SPINT2: variants seen among roughly 807,000 people sequenced by gnomAD.
SPINT2 encodes serine peptidase inhibitor, Kunitz type 2.
Under a neutral mutation model 30.1 loss-of-function variants are expected in SPINT2, and 18 were observed. That is an observed-to-expected ratio of 0.60 (90% CI 0.41 to 0.89). The LOEUF (loss-of-function observed/expected upper bound fraction) is 0.89, where lower values mean the gene tolerates loss of function less well. SPINT2 is among the 40% of genes least tolerant of loss of function. The probability of loss-of-function intolerance (pLI) is 0.00; values close to 1 mark genes in which losing one functional copy is unlikely to be tolerated. For missense variants in SPINT2, 276 were observed against 334.3 expected, an observed-to-expected ratio of 0.83 and a Z score of 1.36; for synonymous variants, 139 against 137.9, an observed-to-expected ratio of 1.01 and a Z score of -0.05.
chr19:38,286,764 C>T (rs1482192674), intron 2 of SPINT2, among the ~76,000 whole-genome samples: 1 of 152,148 alleles, frequency 6.6e-6, no homozygotes, highest in African/African-American at 2.4e-5. Flanking sequence ...GCCTGGGCGA[C>T]AGAGCGAGAC....
At chr19:38,285,454 C>T (rs911370366) in intron 2 of SPINT2, among the ~76,000 whole-genome samples, 1 of 152,180 alleles carries the variant, frequency 6.6e-6, no homozygotes, top group Non-Finnish European at 1.5e-5. Flanking sequence ...AAGTGATTCT[C>T]GTGCCTCAGC....
intron 1 of SPINT2, among the ~76,000 whole-genome samples, chr19:38,268,360 C>T (rs1428291827): frequency 2.0e-5 from 3 of 152,096 alleles, no homozygotes; most frequent in Non-Finnish European, 4.4e-5. Context: ...GTGGAAAGCA[C>T]GCAGAGATTA....
chr19:38,270,538 G>GGGTT (rs1264408759), intron 1 of SPINT2, among the ~76,000 whole-genome samples: 8 of 152,216 alleles, frequency 5.3e-5, no homozygotes, highest in Admixed American at 5.2e-4. Flanking sequence ...ATGAGTGTCA[G>GGGTT]GGTTGGTGTG....
At position 38,290,937 on chromosome 19, in the gene SPINT2, ACCACGGG is replaced by A. The variant is rs549921422; in HGVS notation, c.592+366_592+372del. The A allele has an allele frequency of 9.7e-4, 378 of 390,446 alleles. No homozygotes were observed. The highest frequency in any genetic ancestry group is 7.0e-3 in the African/African-American group (341 of 48,490). The allele number at this position is 390,446 out of a possible 1,614,324, so 24.2% of individuals were successfully genotyped here. ...TTGGTCACGGGTGACAGGACGGAGGACCACGGGCCAGGGTGTTTCCCAACACAGTCTG... is the reference window on the plus strand; with the variant it reads ...TTGGTCACGGGTGACAGGACGGAGGACCAGGGTGTTTCCCAACACAGTCTG... On this transcript the variant is annotated intron_variant, in intron 6 of 6. Coordinates refer to ENST00000301244, the MANE Select transcript of SPINT2 (RefSeq NM_021102.4). The surrounding 1 kb of genome is among the most constrained non-coding windows in gnomAD (Gnocchi z 4.3).
At chr19:38,284,583 AAAC>A (rs962895638) in intron 2 of SPINT2, among the ~76,000 whole-genome samples, 3 of 152,062 alleles carry the variant, frequency 2.0e-5, no homozygotes, top group Non-Finnish European at 2.9e-5. Context: ...AAAGGGAGCA[AAAC>A]AACAGGGCAG....
At chr19:38,288,900 G>A (rs1016431184) in intron 3 of SPINT2, 3 of 545,494 alleles carry the variant, frequency 5.5e-6, no homozygotes, top group African/African-American at 3.8e-5. Context: ...GCTGTGGCAG[G>A]CTTGGTTTCT....
chr19:38,269,230 TG>T (rs1968418958), intron 1 of SPINT2, among the ~76,000 whole-genome samples: 2 of 151,884 alleles, frequency 1.3e-5, no homozygotes, highest in African/African-American at 2.4e-5. Flanking sequence ...CCTGAGTAGC[TG>T]GGACTACAGG....
At chr19:38,274,345 A>C (rs1229279858) in intron 1 of SPINT2, among the ~76,000 whole-genome samples, 1 of 151,998 alleles carries the variant, frequency 6.6e-6, no homozygotes, top group Non-Finnish European at 1.5e-5. Flanking sequence ...GAGTTCTTTG[A>C]AACTCTTGGA....
intron 1 of SPINT2, among the ~76,000 whole-genome samples, chr19:38,267,069 T>G (rs922406803): frequency 9.9e-5 from 15 of 152,188 alleles, no homozygotes; most frequent in Admixed American, 2.6e-4. Flanking sequence ...CCGAGGTCAC[T>G]CGGTAGTAGT....
chr19:38,269,070 C>G (rs945578971), intron 1 of SPINT2, among the ~76,000 whole-genome samples: 2 of 151,934 alleles, frequency 1.3e-5, no homozygotes, highest in Non-Finnish European at 1.5e-5. Context: ...GGCTTAAGGT[C>G]TTTTGTTTTT....
chr19:38,265,666 T>C (rs1968369557), intron 1 of SPINT2: 1 of 152,298 alleles, frequency 6.6e-6, no homozygotes, highest in African/African-American at 2.4e-5. Context: ...ACTTCTACAC[T>C]CTTAAGGAAG....
intron 1 of SPINT2, among the ~76,000 whole-genome samples, chr19:38,282,703 C>A (rs1968593379): frequency 6.6e-6 from 1 of 152,204 alleles, no homozygotes; most frequent in Non-Finnish European, 1.5e-5. Context: ...GGAGCTGTAA[C>A]AAGCCGTGGT....
intron 1 of SPINT2, among the ~76,000 whole-genome samples, chr19:38,277,923 T>C (rs1968538678): frequency 6.6e-6 from 1 of 152,182 alleles, no homozygotes; most frequent in Non-Finnish European, 1.5e-5. Flanking sequence ...TGTTGGTCCG[T>C]CTCCGTTTTG....
In SPINT2 at chr19:38,290,525, G is replaced by A. The variant is rs1968704429; in HGVS notation, c.554-12G>A. ...GCTGTGAGCTGACCTCAGGCTGTGT[G>A]TTCTCTTCCAGGCCAGCAGGAGAAT... is the stretch of plus-strand genomic sequence containing the variant. On this transcript the variant is annotated splice_polypyrimidine_tract_variant and intron_variant, in intron 5 of 6. Coordinates refer to ENST00000301244, the MANE Select transcript of SPINT2 (RefSeq NM_021102.4). The surrounding 1 kb of genome is among the most constrained non-coding windows in gnomAD (Gnocchi z 4.3). 1.2e-6 allele frequency: 2 copies of A among 1,613,982 alleles called. No individual in the cohort carries two copies. Among genetic ancestry groups the A allele is most frequent in the Non-Finnish European group, 8.5e-7 (1 of 1,180,012 alleles).
At chr19:38,272,048 A>G (rs1389170298) in intron 1 of SPINT2, among the ~76,000 whole-genome samples, 1 of 152,008 alleles carries the variant, frequency 6.6e-6, no homozygotes, top group Admixed American at 6.6e-5. Flanking sequence ...CAACATGGTG[A>G]AACAAAAAAT....
chr19:38,292,084 G>A lies in SPINT2; in HGVS notation c.*78G>A. ...TTTTTTAAATAGAGGGATTGACTCGGATTTGAGTGATCATTAGGGCTGAGG... is the reference window on the plus strand; with the variant it reads ...TTTTTTAAATAGAGGGATTGACTCGAATTTGAGTGATCATTAGGGCTGAGG... On this transcript the variant is annotated 3_prime_UTR_variant, in exon 7 of 7. Transcript: ENST00000301244. 2 of 1,553,302 alleles carry A rather than the reference G, an allele frequency of 1.3e-6. No individual in the cohort carries two copies. Among genetic ancestry groups the A allele is most frequent in the Non-Finnish European group, 1.7e-6 (2 of 1,145,998 alleles).
At position 38,291,922 on chromosome 19, in the gene SPINT2, G is replaced by A. The variant is rs1372687047; in HGVS notation, c.675G>A (p.Arg225=). Residue 225 remains arginine (R), a synonymous_variant, in exon 7 of 7, where the codon CGG becomes CGA. Transcript: ENST00000301244. ...ASMVYLIRVA[R]RNQERALRTV... ...TGGTCTACCTGATCCGGGTGGCACG[G>A]AGGAACCAGGAGCGTGCCCTGCGCA... 4 of 1,614,140 alleles carry A rather than the reference G, an allele frequency of 2.5e-6. No homozygotes were observed. Among genetic ancestry groups the A allele is most frequent in the Non-Finnish European group, 3.4e-6 (4 of 1,180,022 alleles).
In SPINT2 at chr19:38,264,622, G is replaced by T. The variant is rs566814422; in HGVS notation, c.-271G>T. 7 of 471,150 alleles carry T rather than the reference G, an allele frequency of 1.5e-5. No homozygotes were observed. The South Asian group carries it at 1.7e-4, about 11-fold the overall frequency. 29.2% of individuals were successfully genotyped at this position (471,150 alleles called of 1,614,324 possible). On this transcript the variant is annotated 5_prime_UTR_variant, in exon 1 of 7. Coordinates refer to ENST00000301244, the MANE Select transcript of SPINT2 (RefSeq NM_021102.4). Reference sequence around the variant, plus strand: ...GCGTTGGGAGGTGTAGCGCGGCTCTGAACGCGCTGAGGGCCGTTGAGTGTC... The same window carrying T: ...GCGTTGGGAGGTGTAGCGCGGCTCTTAACGCGCTGAGGGCCGTTGAGTGTC...
At chr19:38,285,834 C>G (rs893071616) in intron 2 of SPINT2, among the ~76,000 whole-genome samples, 1 of 152,168 alleles carries the variant, frequency 6.6e-6, no homozygotes, top group Non-Finnish European at 1.5e-5. Flanking sequence ...CTTGGGAGAA[C>G]TATCTTTTGC....
Sources: gnomAD v4.1 joint callset for allele counts (sites outside exome capture counted in the v4.1 genomes callset) on GRCh38, gnomAD v4.1.1 for gene constraint, Gnocchi (gnomAD v3.1) non-coding constraint, MANE v1.5 for transcripts, NCBI Gene and HGNC (gene_info 2026-07-23, HGNC 2026-07-21) for gene names.